The following PRPF18 variants were observed in gnomAD, a reference collection of about 807,000 sequenced individuals.
The protein encoded by PRPF18 is pre-mRNA processing factor 18, also known as pre-mRNA-splicing factor 18.
Under a neutral mutation model 46.5 loss-of-function variants are expected in PRPF18, and 38 were observed. The observed-to-expected ratio is 0.82, with a 90% CI of 0.63 to 1.07. The LOEUF is 1.07. Among genes scored for constraint, PRPF18 ranks in the 50% least tolerant of loss-of-function variants. PRPF18 has a pLI of 0.00. For missense variants in PRPF18, 263 were observed against 410.0 expected (o/e 0.64, Z 3.10); for synonymous variants, 152 against 146.7 (o/e 1.04, Z -0.26).
chr10:13,650,471 C>A, the PRPF18 span, among the ~76,000 whole-genome samples: 2 of 152,194 alleles, frequency 1.3e-5, no homozygotes, highest in African/African-American at 4.8e-5. Flanking sequence ...TGCCTACATT[C>A]CCACCGCAGC....
At chr10:13,655,433 T>C in the PRPF18 span, 1 of 152,190 alleles carries the variant, frequency 6.6e-6, no homozygotes, top group Non-Finnish European at 1.5e-5. Context: ...CAAATTTCAC[T>C]GGGCTATTTT....
intron 9 of PRPF18, among the ~76,000 whole-genome samples, chr10:13,618,517 C>T (rs535732422): frequency 2.7e-5 from 4 of 147,310 alleles, no homozygotes; most frequent in South Asian, 2.2e-4. Context: ...TCCTAGCTAC[C>T]GGAGAGGTTG....
the PRPF18 span, chr10:13,654,643 C>T: frequency 6.3e-6 from 4 of 634,310 alleles, no homozygotes; most frequent in Admixed American, 8.3e-5. Context: ...TGGGAAGGAC[C>T]CCAGAGCAGG....
chr10:13,633,755 GC>G (rs1195547466), downstream of PRPF18, among the ~76,000 whole-genome samples: 7 of 152,104 alleles, frequency 4.6e-5, no homozygotes, highest in African/African-American at 1.4e-4. Context: ...CTCCCATGAA[GC>G]CCCTAAAGAA....
chr10:13,615,507 T>C (rs1486419201), intron 8 of PRPF18, among the ~76,000 whole-genome samples: 6 of 152,190 alleles, frequency 3.9e-5, no homozygotes, highest in Non-Finnish European at 1.5e-5. Flanking sequence ...CATTTATCTT[T>C]AGGGTAGAAA....
chr10:13,622,818 C>T (rs535062328), intron 9 of PRPF18, among the ~76,000 whole-genome samples: 11 of 152,262 alleles, frequency 7.2e-5, no homozygotes, highest in Non-Finnish European at 7.3e-5. Flanking sequence ...TGCCGTCATC[C>T]CAACTGGCTG....
downstream of PRPF18, chr10:13,631,971 G>C (rs1462681955): frequency 6.6e-6 from 1 of 152,440 alleles, no homozygotes; most frequent in African/African-American, 2.4e-5. Flanking sequence ...GGTGGTGGCT[G>C]AGGTCCGCTG....
chr10:13,611,704 G>C, intron 6 of PRPF18, 21 bp downstream of exon 6: 1 of 1,602,502 alleles, frequency 6.2e-7, no homozygotes, highest in Non-Finnish European at 8.5e-7. Flanking sequence ...TAGGCGAGGG[G>C]ATGAGGATGC....
At chr10:13,624,163 G>C (rs2080463525) in intron 9 of PRPF18, among the ~76,000 whole-genome samples, 1 of 152,088 alleles carries the variant, frequency 6.6e-6, no homozygotes, top group Non-Finnish European at 1.5e-5. Flanking sequence ...TATTTTCGTA[G>C]TGACATGGTA....
At chr10:13,619,047 C>CA (rs2080387996) in intron 9 of PRPF18, among the ~76,000 whole-genome samples, 1 of 152,202 alleles carries the variant, frequency 6.6e-6, no homozygotes, top group South Asian at 2.1e-4. Flanking sequence ...AAGGAGCATG[C>CA]AACCTCGATC....
At chr10:13,635,124 A>C (rs2080625564), downstream of PRPF18, among the ~76,000 whole-genome samples, 1 of 152,048 alleles carries the variant, frequency 6.6e-6, no homozygotes, top group South Asian at 2.1e-4. Flanking sequence ...TTCAGCTCCT[A>C]CTTACAAGTG....
the PRPF18 span, chr10:13,655,697 C>T: frequency 1.3e-5 from 2 of 152,250 alleles, no homozygotes; most frequent in African/African-American, 2.4e-5. Flanking sequence ...TCAGGTCACT[C>T]TGTTTCCCCC....
At chr10:13,621,674 A>T (rs921624104) in intron 9 of PRPF18, among the ~76,000 whole-genome samples, 10 of 152,340 alleles carry the variant, frequency 6.6e-5, no homozygotes, top group Admixed American at 5.9e-4. Flanking sequence ...GTATAGATGA[A>T]TTGATCTGTG....
chr10:13,601,561 A>T (rs1400666316), intron 3 of PRPF18, among the ~76,000 whole-genome samples: 1 of 152,138 alleles, frequency 6.6e-6, no homozygotes, highest in East Asian at 1.9e-4. Context: ...GTGTATGTGT[A>T]TACCTTTTTT....
intron 1 of PRPF18, among the ~76,000 whole-genome samples, chr10:13,587,372 C>T (rs2079890371): frequency 1.3e-5 from 2 of 152,174 alleles, no homozygotes; most frequent in African/African-American, 2.4e-5. Context: ...GAGTACAATT[C>T]GTGCTGACTT....
At chr10:13,618,440 C>T (rs970302298) in intron 9 of PRPF18, among the ~76,000 whole-genome samples, 4 of 151,606 alleles carry the variant, frequency 2.6e-5, no homozygotes, top group Non-Finnish European at 5.9e-5. Flanking sequence ...CTAGCCTGGG[C>T]AACATAGCGA....
chr10:13,591,793 C>T (rs1165717899), intron 1 of PRPF18: 3 of 1,440,908 alleles, frequency 2.1e-6, no homozygotes, highest in Middle Eastern at 1.9e-4. Flanking sequence ...GACCAGAGGT[C>T]CAGTCACAAG....
chr10:13,611,395 C>T (rs2080267287), intron 5 of PRPF18, among the ~76,000 whole-genome samples: 2 of 152,184 alleles, frequency 1.3e-5, no homozygotes, highest in South Asian at 4.1e-4. Flanking sequence ...CATTCATTAC[C>T]CCCTCTTGAC....
the PRPF18 span, among the ~76,000 whole-genome samples, chr10:13,649,901 G>C: frequency 1.1e-3 from 168 of 152,328 alleles, 4 homozygotes; most frequent in African/African-American, 3.9e-3. Flanking sequence ...TCATTCACTG[G>C]AACATGAGCT....
Sources: gnomAD v4.1 joint callset for allele counts (sites outside exome capture counted in the v4.1 genomes callset) on GRCh38, gnomAD v4.1.1 for gene constraint, MANE v1.5 for transcripts, NCBI Gene and HGNC (gene_info 2026-07-23, HGNC 2026-07-21) for gene names.